Variants in TMEM62 observed in about 807,000 individuals in gnomAD.
The protein encoded by TMEM62 is transmembrane protein 62.
Under a neutral mutation model 70.4 loss-of-function variants are expected in TMEM62, and 41 were observed. That is an observed-to-expected ratio of 0.58 (90% CI 0.45 to 0.76). TMEM62 has a LOEUF of 0.76. TMEM62 is among the 30% of genes least tolerant of loss of function. The pLI, the probability that TMEM62 is intolerant of heterozygous loss-of-function variation, is 0.00. For synonymous variants in TMEM62, 268 were observed against 291.0 expected, an observed-to-expected ratio of 0.92 and a Z score of 0.80; for missense variants, 688 against 788.5, an observed-to-expected ratio of 0.87 and a Z score of 1.53.
At chr15:43,180,641 A>G (rs2041244161) in intron 12 of TMEM62, 1 of 152,412 alleles carries the variant, frequency 6.6e-6, no homozygotes, top group East Asian at 1.9e-4. Flanking sequence ...GAAGCAAGTT[A>G]AACTTTCTAC....
intron 10 of TMEM62, among the ~76,000 whole-genome samples, chr15:43,163,596 C>G (rs965808136): frequency 1.3e-5 from 2 of 152,100 alleles, no homozygotes; most frequent in African/African-American, 4.8e-5. Context: ...TCCTGGCTAA[C>G]ATGGTGAAAC....
intron 4 of TMEM62, among the ~76,000 whole-genome samples, chr15:43,141,875 T>C (rs2036064951): frequency 6.6e-6 from 1 of 152,130 alleles, no homozygotes; most frequent in South Asian, 2.1e-4. Context: ...AATGTGGAAA[T>C]AGCAAGAGAA....
At chr15:43,169,456 C>A in intron 10 of TMEM62, 137 bp from the exon 11 acceptor site, 1 of 705,360 alleles carries the variant, frequency 1.4e-6, no homozygotes, top group Non-Finnish European at 2.4e-6. Context: ...CCAGTGGGGA[C>A]AAAGACCAAA....
intron 4 of TMEM62, among the ~76,000 whole-genome samples, chr15:43,142,678 GT>G (rs1006016765): frequency 4.8e-5 from 7 of 145,534 alleles, no homozygotes; most frequent in African/African-American, 1.0e-4. Context: ...TGTTTTTTTG[GT>G]TTTTTTTTTG....
intron 3 of TMEM62, among the ~76,000 whole-genome samples, chr15:43,136,610 A>G (rs62019365): frequency 2.7e-5 from 4 of 149,760 alleles, no homozygotes; most frequent in African/African-American, 9.9e-5. Context: ...CTGCCCAGTT[A>G]ATTTTTTTTT....
At chr15:43,146,326 A>C in intron 4 of TMEM62, 167 bp from the exon 5 acceptor site, 1 of 611,496 alleles carries the variant, frequency 1.6e-6, no homozygotes, top group Non-Finnish European at 2.7e-6. Flanking sequence ...ATGGGAGAAA[A>C]ACTTTGAAAT....
intron 11 of TMEM62, among the ~76,000 whole-genome samples, chr15:43,170,291 C>T (rs556127249): frequency 6.6e-6 from 1 of 152,282 alleles, no homozygotes; most frequent in East Asian, 1.9e-4. Context: ...TCCATCGTGG[C>T]TGAGAACTCA....
At chr15:43,137,959 A>G (rs1231493180) in intron 3 of TMEM62, among the ~76,000 whole-genome samples, 1 of 152,208 alleles carries the variant, frequency 6.6e-6, no homozygotes, top group Non-Finnish European at 1.5e-5. Context: ...CTGTCTCTAC[A>G]GATTTAGTCC....
chr15:43,175,747 G>C (rs142522693), intron 11 of TMEM62, among the ~76,000 whole-genome samples: 1 of 152,224 alleles, frequency 6.6e-6, no homozygotes, highest in Non-Finnish European at 1.5e-5. Flanking sequence ...ACCTCCCAGC[G>C]TGAGTGACAC....
rs758470513 is a variant in TMEM62 at position 43,184,562 on chromosome 15, G to A, written c.1908G>A (p.Gln636=). Residue 636 remains glutamine (Q), a synonymous_variant, in exon 14 of 14, where the codon CAG becomes CAA. Coordinates refer to ENST00000260403, the MANE Select transcript of TMEM62 (RefSeq NM_024956.4). ...NSTKFGIFMV[Q]LKSHLSS ...CCAAGTTTGGAATCTTCATGGTGCA[G>A]TTAAAAAGCCACCTGAGCTCCTGAA... 6.2e-7 allele frequency: 1 copy of A among 1,611,094 alleles called. No individual in the cohort carries two copies. Among genetic ancestry groups the A allele is most frequent in the Non-Finnish European group, 8.5e-7 (1 of 1,180,006 alleles).
At chr15:43,147,228 T>G (rs370395250) in intron 5 of TMEM62, among the ~76,000 whole-genome samples, 1 of 152,220 alleles carries the variant, frequency 6.6e-6, no homozygotes. Flanking sequence ...CCTCCCAAAG[T>G]GCTGGGATTA....
At chr15:43,158,510 G>A (rs982924148) in intron 9 of TMEM62, among the ~76,000 whole-genome samples, 1 of 152,172 alleles carries the variant, frequency 6.6e-6, no homozygotes, top group African/African-American at 2.4e-5. Context: ...GCTCTTATGA[G>A]CAGTCAAGCC....
intron 10 of TMEM62, among the ~76,000 whole-genome samples, chr15:43,164,739 G>A (rs1467887806): frequency 1.3e-5 from 2 of 152,104 alleles, no homozygotes; most frequent in Non-Finnish European, 2.9e-5. Context: ...GTCTGGTGTT[G>A]ATGAAATCCC....
intron 10 of TMEM62, among the ~76,000 whole-genome samples, chr15:43,161,532 T>G (rs1395718381): frequency 6.6e-6 from 1 of 152,208 alleles, no homozygotes; most frequent in Non-Finnish European, 1.5e-5. Flanking sequence ...CACACATCTT[T>G]CTTTTATCAC....
chr15:43,177,650 A>G (rs1203566134), intron 11 of TMEM62, among the ~76,000 whole-genome samples: 1 of 152,146 alleles, frequency 6.6e-6, no homozygotes, highest in Non-Finnish European at 1.5e-5. Context: ...GCACATATAC[A>G]CCATGGAATA....
Position 43,148,795 on chromosome 15 carries a change from G to T in TMEM62, c.659G>T (p.Ser220Ile). The stretch of plus-strand genomic sequence containing the variant: ...CTCTTATTACTGGCCAAGGAAAGCA[G>T]TCGGAGCAACCATACAATTTGGTTT... Reference protein sequence around the residue: ...EELLLLAKESSRSNHTIWFGH... With the variant: ...EELLLLAKESIRSNHTIWFGH... The change falls in exon 6 of 14, where the codon AGT (serine) becomes ATT (isoleucine). Residue 220 changes from serine (S) to isoleucine (I), a missense_variant. Coordinates refer to ENST00000260403, the MANE Select transcript of TMEM62 (RefSeq NM_024956.4). 1.2e-6 allele frequency: 2 copies of T among 1,614,092 alleles called. No homozygotes were observed. Among genetic ancestry groups the T allele is most frequent in the South Asian group, 2.2e-5 (2 of 91,064 alleles).
At chr15:43,134,140 T>A in intron 1 of TMEM62, 117 bp from the exon 2 acceptor site, 1 of 1,437,328 alleles carries the variant, frequency 7.0e-7, no homozygotes, top group East Asian at 2.4e-5. Flanking sequence ...ACCTGGGGGG[T>A]TCGTTATGCA....
At chr15:43,159,533 T>C (rs2038429770) in intron 9 of TMEM62, among the ~76,000 whole-genome samples, 1 of 152,240 alleles carries the variant, frequency 6.6e-6, no homozygotes, top group African/African-American at 2.4e-5. Flanking sequence ...CTTAACATAG[T>C]GGTCTCCAGT....
At chr15:43,136,325 C>T (rs2035217137) in intron 3 of TMEM62, among the ~76,000 whole-genome samples, 1 of 152,096 alleles carries the variant, frequency 6.6e-6, no homozygotes, top group Non-Finnish European at 1.5e-5. Flanking sequence ...TGGTGGTAGA[C>T]TTCAGGTTCA....
Sources: allele counts gnomAD v4.1 joint callset (sites outside exome capture counted in the v4.1 genomes callset), GRCh38; gene constraint gnomAD v4.1.1; transcripts MANE v1.5; gene names NCBI Gene and HGNC (gene_info 2026-07-23, HGNC 2026-07-21).